IGSF11: variants seen among roughly 807,000 people sequenced by gnomAD.
IGSF11 encodes the protein CXADR like 1.
In IGSF11, 22 loss-of-function variants were observed where a neutral mutation model predicts 41.0. That is an observed-to-expected ratio of 0.54 (90% CI 0.38 to 0.77). The LOEUF (loss-of-function observed/expected upper bound fraction) is 0.77, where lower values mean the gene tolerates loss of function less well. Among genes scored for constraint, IGSF11 ranks in the 30% least tolerant of loss-of-function variants. IGSF11 has a pLI of 0.00. For missense variants in IGSF11, 444 were observed against 530.8 expected, an observed-to-expected ratio of 0.84 and a Z score of 1.61; for synonymous variants, 219 against 201.3, an observed-to-expected ratio of 1.09 and a Z score of -0.74.
chr3:118,969,878 G>C (rs773703883), intron 1 of IGSF11, among the ~76,000 whole-genome samples: 1 of 152,128 alleles, frequency 6.6e-6, no homozygotes, highest in African/African-American at 2.4e-5. Flanking sequence ...CTACAGGCAG[G>C]TCTACCCAGA....
intron 6 of IGSF11, 97 bp from the exon 7 acceptor site, chr3:118,903,058 T>A: frequency 8.5e-7 from 1 of 1,175,778 alleles, no homozygotes; most frequent in Non-Finnish European, 1.2e-6. Context: ...GGCTTATACA[T>A]CCAAAAAACA....
intron 4 of IGSF11, among the ~76,000 whole-genome samples, chr3:118,916,984 G>C (rs1020938555): frequency 6.6e-6 from 1 of 152,114 alleles, no homozygotes; most frequent in African/African-American, 2.4e-5. Flanking sequence ...CATGGAAACT[G>C]AACAACCTGC....
chr3:119,109,179 T>C (rs2077094199), upstream of IGSF11, among the ~76,000 whole-genome samples: 1 of 141,012 alleles, frequency 7.1e-6, no homozygotes, highest in African/African-American at 2.6e-5. Flanking sequence ...AGTTCCTCCT[T>C]GTACCTCTGG....
chr3:119,102,274 T>G (rs2076950796), intron 1 of IGSF11, among the ~76,000 whole-genome samples: 1 of 152,232 alleles, frequency 6.6e-6, no homozygotes, highest in Admixed American at 6.5e-5. Context: ...AGATGTCTGC[T>G]ATCTTTTCAC....
In IGSF11 at chr3:118,902,880, G is replaced by A; in HGVS notation, c.936C>T (p.Thr312=). The change falls in exon 7 of 7, where the codon ACC becomes ACT. Residue 312 remains threonine (T), a synonymous_variant. Transcript: ENST00000393775. The part of the protein sequence containing the change: ...EISSSDNNTL[T]SSNAYNSRYW... ...ATCGACTGTTGTAGGCATTGGAAGA[G>A]GTTAGTGTGTTGTTGTCCGAGGAGG... 6.2e-7 allele frequency: 1 copy of A among 1,614,154 alleles called. No individual in the cohort carries two copies. Among genetic ancestry groups the A allele is most frequent in the Non-Finnish European group, 8.5e-7 (1 of 1,179,988 alleles).
chr3:119,145,512 C>T (rs1309367285), intron 1 of IGSF11, among the ~76,000 whole-genome samples: 4 of 152,220 alleles, frequency 2.6e-5, no homozygotes, highest in African/African-American at 9.6e-5. Context: ...CTTTCTGGAA[C>T]TCTGATTTGG....
intron 1 of IGSF11, among the ~76,000 whole-genome samples, chr3:119,021,308 T>C (rs1416111878): frequency 6.6e-6 from 1 of 152,032 alleles, no homozygotes; most frequent in African/African-American, 2.4e-5. Context: ...CTCCAGATGA[T>C]GAAGATTATG....
chr3:118,914,035 A>ATC (rs1940704968), intron 4 of IGSF11, among the ~76,000 whole-genome samples: 1 of 152,190 alleles, frequency 6.6e-6, no homozygotes, highest in South Asian at 2.1e-4. Context: ...CTATGGTCCT[A>ATC]TTATTTGGAT....
chr3:119,072,257 T>C (rs2076412449), intron 1 of IGSF11, among the ~76,000 whole-genome samples: 1 of 152,224 alleles, frequency 6.6e-6, no homozygotes, highest in Admixed American at 6.5e-5. Flanking sequence ...AAATAAGCCT[T>C]TTTAAAAATC....
chr3:118,949,785 T>C (rs1944435079), intron 1 of IGSF11, among the ~76,000 whole-genome samples: 1 of 152,248 alleles, frequency 6.6e-6, no homozygotes, highest in Non-Finnish European at 1.5e-5. Context: ...TCTCATGATG[T>C]TCACTTTCTT....
At position 118,902,501 on chromosome 3, in the gene IGSF11, CACA is replaced by C. The variant is rs756250140; in HGVS notation, c.*16_*18del. The C allele has an allele frequency of 1.7e-6, 2 of 1,158,846 alleles. No homozygotes were observed. The highest frequency in any genetic ancestry group is 1.2e-5 in the South Asian group (1 of 80,932). 71.8% of individuals were successfully genotyped at this position (1,158,846 alleles called of 1,614,324 possible). A position where few individuals can be genotyped will look rare whatever the true frequency, so the allele number is the denominator to read the frequency against. On this transcript the variant is annotated 3_prime_UTR_variant, in exon 7 of 7. Transcript: ENST00000393775. ...GGCATTCCATTTATTCATTTCTGAA[CACA>C]ACATTTCCTCATGTCCTATACCAAG...
intron 1 of IGSF11, among the ~76,000 whole-genome samples, chr3:118,974,838 C>A (rs1352259622): frequency 2.0e-5 from 3 of 152,090 alleles, no homozygotes; most frequent in South Asian, 4.2e-4. Flanking sequence ...TCTTCTTTAT[C>A]ATGAGTTAAT....
intron 1 of IGSF11, among the ~76,000 whole-genome samples, chr3:119,070,676 T>A (rs1158292656): frequency 1.3e-5 from 2 of 152,138 alleles, no homozygotes; most frequent in Non-Finnish European, 2.9e-5. Flanking sequence ...GTTTTGGGGT[T>A]TTGAATTTTT....
At chr3:119,037,522 G>C (rs185767296), upstream of IGSF11, among the ~76,000 whole-genome samples, 1 of 152,314 alleles carries the variant, frequency 6.6e-6, no homozygotes, top group East Asian at 1.9e-4. Context: ...ATCTCTGAGA[G>C]AGTTATAGTT....
chr3:118,984,881 A>G (rs538601624), intron 1 of IGSF11, among the ~76,000 whole-genome samples: 1 of 152,316 alleles, frequency 6.6e-6, no homozygotes, highest in Admixed American at 6.5e-5. Context: ...GCTGCCACTC[A>G]GTGACACCTT....
At chr3:119,099,937 A>C (rs1351532223) in intron 1 of IGSF11, among the ~76,000 whole-genome samples, 1 of 152,184 alleles carries the variant, frequency 6.6e-6, no homozygotes, top group Non-Finnish European at 1.5e-5. Flanking sequence ...TAACTGAGAC[A>C]ATTACTAAGA....
chr3:118,930,695 C>G (rs1029511738), intron 1 of IGSF11, among the ~76,000 whole-genome samples: 2 of 152,024 alleles, frequency 1.3e-5, no homozygotes, highest in Non-Finnish European at 2.9e-5. Flanking sequence ...TGTACAGCAC[C>G]CATACAAGAA....
At chr3:119,114,734 G>T (rs1304134657) in intron 1 of IGSF11, among the ~76,000 whole-genome samples, 1 of 152,156 alleles carries the variant, frequency 6.6e-6, no homozygotes, top group Admixed American at 6.5e-5. Context: ...TTTCAAAGTT[G>T]CTTCCACATT....
intron 1 of IGSF11, among the ~76,000 whole-genome samples, chr3:119,007,365 G>T (rs973952617): frequency 6.9e-6 from 1 of 144,470 alleles, no homozygotes; most frequent in African/African-American, 2.8e-5. Context: ...CCACTGTCTG[G>T]CACTCCCTAG....
Sources: gnomAD v4.1 joint callset for allele counts (sites outside exome capture counted in the v4.1 genomes callset) on GRCh38, gnomAD v4.1.1 for gene constraint, MANE v1.5 for transcripts, NCBI Gene and HGNC (gene_info 2026-07-23, HGNC 2026-07-21) for gene names.